The following OR2L13 variants were observed in gnomAD, a reference collection of about 807,000 sequenced individuals.
OR2L13 encodes olfactory receptor family 2 subfamily L member 13, also known as olfactory receptor 2L13.
OR2L13 carries 14 observed loss-of-function variants against 15.3 expected under a neutral mutation model. The ratio of observed to expected loss-of-function variants is 0.91; its 90% CI spans 0.60 to 1.43. The LOEUF (loss-of-function observed/expected upper bound fraction) is 1.43, where lower values mean the gene tolerates loss of function less well. Among genes scored for constraint, OR2L13 ranks in the 40% most tolerant of loss-of-function variants. The pLI, the probability that OR2L13 is intolerant of heterozygous loss-of-function variation, is 0.00. For missense variants in OR2L13, 367 were observed against 387.9 expected (o/e 0.95, Z 0.45); for synonymous variants, 152 against 142.9 (o/e 1.06, Z -0.45).
At chr1:248,061,517 C>T in the OR2L13 span, 105 of 1,613,812 alleles carry the variant, frequency 6.5e-5, no homozygotes, top group South Asian at 1.5e-4. Context: ...TTCTACACCA[C>T]CCTCACTCCA....
At chr1:248,086,676 T>C in the OR2L13 span, among the ~76,000 whole-genome samples, 1 of 152,068 alleles carries the variant, frequency 6.6e-6, no homozygotes, top group African/African-American at 2.4e-5. Flanking sequence ...AAGGCTATAT[T>C]AACTCAGCAA....
the OR2L13 span, among the ~76,000 whole-genome samples, chr1:248,037,486 A>T: frequency 6.6e-6 from 1 of 152,190 alleles, no homozygotes; most frequent in African/African-American, 2.4e-5. Flanking sequence ...GGCATCAAAC[A>T]TTCATATCTT....
the OR2L13 span, among the ~76,000 whole-genome samples, chr1:248,044,619 A>T: frequency 2.2e-5 from 2 of 91,072 alleles, no homozygotes; most frequent in South Asian, 2.5e-4. Context: ...CTGGCTAACA[A>T]GGTGAAACCC....
the OR2L13 span, among the ~76,000 whole-genome samples, chr1:248,053,113 C>T: frequency 6.6e-6 from 1 of 152,046 alleles, no homozygotes; most frequent in Non-Finnish European, 1.5e-5. Flanking sequence ...CTCCACCGCC[C>T]TCCCACAACA....
At chr1:248,007,313 A>G in the OR2L13 span, among the ~76,000 whole-genome samples, 1 of 152,178 alleles carries the variant, frequency 6.6e-6, no homozygotes, top group African/African-American at 2.4e-5. Context: ...TAAAGAGGTC[A>G]TCAGTGAATA....
At chr1:247,993,190 C>T in the OR2L13 span, among the ~76,000 whole-genome samples, 5,860 of 152,058 alleles carry the variant, frequency 0.039, 369 homozygotes, top group African/African-American at 0.13. Flanking sequence ...TGTGTCTGTT[C>T]GTTGTTCATG....
the OR2L13 span, chr1:247,949,248 T>C: frequency 1.2e-6 from 2 of 1,614,092 alleles, no homozygotes; most frequent in South Asian, 1.1e-5. Flanking sequence ...TCCTCTCCAC[T>C]ATCTCATCCG....
the OR2L13 span, chr1:248,022,747 T>C: frequency 7.4e-6 from 12 of 1,614,022 alleles, no homozygotes; most frequent in East Asian, 2.2e-5. Flanking sequence ...CTGCGATCTC[T>C]GACAGAGGAC....
chr1:248,087,510 C>T, the OR2L13 span: 2 of 152,156 alleles, frequency 1.3e-5, no homozygotes, highest in Non-Finnish European at 2.9e-5. Flanking sequence ...TAGAGAATCA[C>T]AGCCAGTGTG....
At chr1:248,000,123 GGTGT>G in the OR2L13 span, among the ~76,000 whole-genome samples, 1 of 138,244 alleles carries the variant, frequency 7.2e-6, no homozygotes, top group Non-Finnish European at 1.6e-5. Flanking sequence ...TTTTTTTTTT[GGTGT>G]GTGTGTGTGT....
At chr1:248,022,298 G>A in the OR2L13 span, 1 of 1,614,096 alleles carries the variant, frequency 6.2e-7, no homozygotes, top group African/African-American at 1.3e-5. Flanking sequence ...TGACATCAAT[G>A]GCCTATGATC....
the OR2L13 span, chr1:248,060,937 T>C: frequency 6.2e-6 from 10 of 1,613,860 alleles, no homozygotes; most frequent in South Asian, 1.1e-5. Context: ...TGATTTTCTG[T>C]CTGGTAACAA....
chr1:248,059,778 C>T, the OR2L13 span, among the ~76,000 whole-genome samples: 1 of 152,232 alleles, frequency 6.6e-6, no homozygotes, highest in East Asian at 1.9e-4. Context: ...GGTGGGGAAG[C>T]TCATGACTGC....
chr1:248,017,211 T>G, the OR2L13 span, among the ~76,000 whole-genome samples: 1 of 152,230 alleles, frequency 6.6e-6, no homozygotes, highest in African/African-American at 2.4e-5. Flanking sequence ...GCTTAAAATA[T>G]TTACAGCTAA....
At chr1:248,006,383 T>C in the OR2L13 span, among the ~76,000 whole-genome samples, 1 of 151,986 alleles carries the variant, frequency 6.6e-6, no homozygotes, top group Non-Finnish European at 1.5e-5. Flanking sequence ...GCATGCATTC[T>C]GCCAACCTCT....
chr1:247,974,311 A>C, the OR2L13 span, among the ~76,000 whole-genome samples: 7 of 152,066 alleles, frequency 4.6e-5, no homozygotes, highest in Non-Finnish European at 1.0e-4. Context: ...ACAAATACCT[A>C]ATGCATGCGG....
chr1:247,954,276 T>A, the OR2L13 span, among the ~76,000 whole-genome samples: 2 of 152,122 alleles, frequency 1.3e-5, no homozygotes, highest in Admixed American at 6.5e-5. Context: ...AAATAGACAA[T>A]GACTTTTAAA....
At chr1:248,021,502 A>C in the OR2L13 span, among the ~76,000 whole-genome samples, 1 of 152,216 alleles carries the variant, frequency 6.6e-6, no homozygotes, top group African/African-American at 2.4e-5. Context: ...AACACTTCAT[A>C]AATTATCAGT....
At chr1:248,014,345 C>A in the OR2L13 span, among the ~76,000 whole-genome samples, 1 of 151,998 alleles carries the variant, frequency 6.6e-6, no homozygotes, top group Non-Finnish European at 1.5e-5. Flanking sequence ...AAATAAAGGA[C>A]CCTCTTCTGG....
Sources: gnomAD v4.1 joint callset for allele counts (sites outside exome capture counted in the v4.1 genomes callset) on GRCh38, gnomAD v4.1.1 for gene constraint, MANE v1.5 for transcripts, NCBI Gene and HGNC (gene_info 2026-07-23, HGNC 2026-07-21) for gene names.